Variants in TRPM6 observed in about 807,000 individuals in gnomAD.
The protein encoded by TRPM6 is transient receptor potential cation channel subfamily M member 6, also known as channel kinase 2.
TRPM6 carries 111 observed loss-of-function variants against 247.6 expected under a neutral mutation model. The ratio of observed to expected loss-of-function variants is 0.45; its 90% confidence interval spans 0.38 to 0.52. The LOEUF (loss-of-function observed/expected upper bound fraction) is 0.52. TRPM6 is among the 20% of genes least tolerant of loss of function. TRPM6 has a pLI of 0.00. For missense variants in TRPM6, 2,126 were observed against 2,421.5 expected (o/e 0.88, Z 2.56); for synonymous variants, 892 against 853.8 (o/e 1.04, Z -0.78).
chr9:74,792,742 T>A lies in TRPM6; in HGVS notation c.2420A>T (p.Asp807Val), dbSNP rs1827951528. Residue 807 changes from aspartate (D) to valine (V), a missense_variant, in exon 19 of 39, where the codon GAT (aspartate) becomes GTT (valine). Asp to Val is a radical substitution (Grantham distance 152). This residue lies in a region of TRPM6 where 1,082 missense variants were observed against 1,307.9 expected (regional missense o/e 0.83). Coordinates refer to ENST00000360774, the MANE Select transcript of TRPM6 (RefSeq NM_017662.5). ...ATGCTGATTTTCATCCAGTTTCTCA[T>A]CATGGCCCCTTTCCAAATCATACTC... ...VKEYDLERGH[D>V]EKLDENQHFG... is the part of the protein sequence containing the mutation. 3 of 1,613,962 alleles carry A rather than the reference T, an allele frequency of 1.9e-6. No homozygotes were observed. The highest frequency in any genetic ancestry group is 2.5e-6 in the Non-Finnish European group (3 of 1,179,850).
chr9:74,728,420 G>A (rs1825406246), intron 37 of TRPM6, 75 bp from the exon 38 acceptor site: 10 of 1,053,172 alleles, frequency 9.5e-6, no homozygotes, highest in Admixed American at 3.5e-5. Context: ...CCGAGATACC[G>A]AACAGTATCC....
chr9:74,804,501 G>T (rs770903305), intron 14 of TRPM6: 23 of 700,984 alleles, frequency 3.3e-5, no homozygotes, highest in Non-Finnish European at 5.2e-5. Flanking sequence ...TTTCTACAGA[G>T]ATCCTGAAGA....
At chr9:74,828,114 G>A (rs973902336) in intron 6 of TRPM6, among the ~76,000 whole-genome samples, 165 bp from the exon 7 acceptor site, 2 of 152,160 alleles carry the variant, frequency 1.3e-5, no homozygotes, top group East Asian at 1.9e-4. Context: ...AGCACTTTGG[G>A]AAGCCAAGGT....
chr9:74,772,256 C>A (rs1403210540), intron 24 of TRPM6, among the ~76,000 whole-genome samples: 1 of 152,140 alleles, frequency 6.6e-6, no homozygotes, highest in Non-Finnish European at 1.5e-5. Flanking sequence ...CCAGCATGGG[C>A]TAAAAAGCGA....
intron 3 of TRPM6, among the ~76,000 whole-genome samples, chr9:74,852,711 T>G (rs1002222568): frequency 6.6e-6 from 1 of 152,234 alleles, no homozygotes; most frequent in Non-Finnish European, 1.5e-5. Flanking sequence ...CGGACTTGTC[T>G]CCAGCTCCTG....
chr9:74,829,367 A>G (rs1241657652), intron 6 of TRPM6, among the ~76,000 whole-genome samples: 1 of 152,152 alleles, frequency 6.6e-6, no homozygotes, highest in Non-Finnish European at 1.5e-5. Flanking sequence ...AAACATCAAA[A>G]TCTTTATTAC....
chr9:74,833,751 T>C (rs1424699028), intron 6 of TRPM6, among the ~76,000 whole-genome samples: 2 of 152,196 alleles, frequency 1.3e-5, no homozygotes, highest in Non-Finnish European at 2.9e-5. Context: ...GTGGAACTGA[T>C]AGATCAAGTT....
chr9:74,773,934 ACTAAAGAATCT>A (rs1416621334), intron 24 of TRPM6, among the ~76,000 whole-genome samples: 3 of 152,136 alleles, frequency 2.0e-5, no homozygotes, highest in Non-Finnish European at 4.4e-5. Context: ...GTCTTCTTTC[ACTAAAGAATCT>A]CCTATGAGCA....
intron 38 of TRPM6, among the ~76,000 whole-genome samples, chr9:74,725,682 A>G (rs902081642): frequency 2.0e-5 from 3 of 152,210 alleles, no homozygotes; most frequent in African/African-American, 4.8e-5. Flanking sequence ...GCTGCCATCC[A>G]GGTAAGACGT....
intron 24 of TRPM6, among the ~76,000 whole-genome samples, chr9:74,772,439 G>A (rs908697167): frequency 6.6e-6 from 1 of 152,130 alleles, no homozygotes; most frequent in East Asian, 1.9e-4. Flanking sequence ...TGAAAATGGG[G>A]AATCTGTCTT....
rs146791599 is a variant in TRPM6, at chr9:74,858,624, C to T, written c.113+45G>A. 1,295 of 1,231,418 alleles carry T rather than the reference C, an allele frequency of 1.1e-3. 10 individuals are homozygous for T. In the African/African-American group the frequency reaches 0.015, roughly 15 times the overall value. 76.3% of individuals were successfully genotyped at this position (1,231,418 alleles called of 1,614,324 possible). On this transcript the variant is annotated intron_variant, in intron 2 of 38. Transcript: ENST00000360774. ...TTCTAAGTTTCTATAAATAGTCCATCAGGTAGTGTTGCTTTTAAAAGAAGA... is the reference window on the plus strand; with the variant it reads ...TTCTAAGTTTCTATAAATAGTCCATTAGGTAGTGTTGCTTTTAAAAGAAGA...
intron 10 of TRPM6, 47 bp downstream of exon 10, chr9:74,816,845 T>A: frequency 6.2e-7 from 1 of 1,609,490 alleles, no homozygotes; most frequent in African/African-American, 1.3e-5. Flanking sequence ...CTGTGGAACA[T>A]GAGAAGCGTA....
intron 4 of TRPM6, among the ~76,000 whole-genome samples, chr9:74,841,505 CTT>C (rs199836895): frequency 6.7e-6 from 1 of 148,800 alleles, no homozygotes. Flanking sequence ...CTTTGAACTT[CTT>C]TTTTTTTTTC....
rs1827492702 is a variant in TRPM6 at position 74,782,362 on chromosome 9, T to C, written c.3209A>G (p.Asn1070Ser). The C allele has an allele frequency of 6.2e-7, 1 of 1,606,954 alleles. No individual in the cohort carries two copies. The highest frequency in any genetic ancestry group is 8.5e-7 in the Non-Finnish European group (1 of 1,173,770). ...ATCATATTTAATTGAAATAACCTAC[T>C]TGAAGAAAGCAATCAACAGGTTCAC... ...IMVNLLIAFF[N>S]NVYLDMESIS... Residue 1070 changes from asparagine to serine, a missense_variant and splice_region_variant, in exon 23 of 39, where the codon AAC becomes AGC. Transcript: ENST00000360774.
chr9:74,817,341 T>C (rs974694798), intron 9 of TRPM6, among the ~76,000 whole-genome samples: 1 of 152,172 alleles, frequency 6.6e-6, no homozygotes, highest in African/African-American at 2.4e-5. Context: ...ACTAAGACTT[T>C]TGCTTTTTTT....
intron 22 of TRPM6, 42 bp from the exon 23 acceptor site, chr9:74,782,518 T>C (rs773033216): frequency 4.8e-6 from 7 of 1,452,882 alleles, no homozygotes; most frequent in Admixed American, 3.5e-5. Context: ...ATAAGATGAA[T>C]CACAGTCCTG....
At chr9:74,879,710 T>A (rs534715055) in intron 1 of TRPM6, among the ~76,000 whole-genome samples, 2 of 152,318 alleles carry the variant, frequency 1.3e-5, no homozygotes, top group African/African-American at 4.8e-5. Context: ...TAGAGGTTCC[T>A]GAAGGGTGAT....
intron 3 of TRPM6, among the ~76,000 whole-genome samples, chr9:74,853,181 C>T: frequency 6.6e-6 from 1 of 151,856 alleles, no homozygotes; most frequent in South Asian, 2.1e-4. Context: ...TGCCCGGCCG[C>T]CCCGTCTGAG....
intron 32 of TRPM6, among the ~76,000 whole-genome samples, chr9:74,743,779 T>G (rs772759531): frequency 5.9e-5 from 9 of 152,220 alleles, no homozygotes; most frequent in Non-Finnish European, 1.2e-4. Flanking sequence ...GTCCAAAACA[T>G]TGAGATCTCT....
Sources: gnomAD v4.1 joint callset for allele counts (sites outside exome capture counted in the v4.1 genomes callset) on GRCh38, gnomAD v4.1.1 for gene constraint, gnomAD v4.1.1 regional missense constraint, MANE v1.5 for transcripts, NCBI Gene and HGNC (gene_info 2026-07-23, HGNC 2026-07-21) for gene names.